Variants in AFG2A observed in about 807,000 individuals in gnomAD.
AFG2A encodes the protein ATPase family gene 2 protein homolog A.
the AFG2A span, among the ~76,000 whole-genome samples, chr4:123,084,414 T>C: frequency 6.6e-6 from 1 of 151,990 alleles, no homozygotes; most frequent in Non-Finnish European, 1.5e-5. Flanking sequence ...TTCTCTAATA[T>C]ATACTCTCAA....
At chr4:122,923,098 A>T in the AFG2A span, 6 of 1,610,748 alleles carry the variant, frequency 3.7e-6, no homozygotes, top group Middle Eastern at 1.7e-4. Flanking sequence ...AAGCGCGCAC[A>T]TTGAGTCGGC....
chr4:122,933,750 T>G, the AFG2A span, among the ~76,000 whole-genome samples: 1 of 152,200 alleles, frequency 6.6e-6, no homozygotes, highest in Admixed American at 6.5e-5. Flanking sequence ...CTTTTAACCT[T>G]TGCATTCTTG....
At chr4:123,256,225 G>A in the AFG2A span, 1 of 1,598,206 alleles carries the variant, frequency 6.3e-7, no homozygotes, top group South Asian at 1.1e-5. Flanking sequence ...GGAAAGCGGT[G>A]GCTCAGGGTC....
chr4:123,195,834 C>T, the AFG2A span, among the ~76,000 whole-genome samples: 1 of 152,162 alleles, frequency 6.6e-6, no homozygotes, highest in African/African-American at 2.4e-5. Flanking sequence ...CCTTCCCAAC[C>T]TGGAAATGCT....
chr4:123,227,664 G>A, the AFG2A span, among the ~76,000 whole-genome samples: 4 of 152,142 alleles, frequency 2.6e-5, no homozygotes, highest in Admixed American at 2.6e-4. Flanking sequence ...GTATGGTGTG[G>A]TGCTGAAAAG....
the AFG2A span, among the ~76,000 whole-genome samples, chr4:122,944,641 A>G: frequency 6.6e-6 from 1 of 152,226 alleles, no homozygotes; most frequent in African/African-American, 2.4e-5. Context: ...CAACTTGTCA[A>G]AGTCATTCTC....
the AFG2A span, among the ~76,000 whole-genome samples, chr4:122,940,976 C>G: frequency 3.3e-5 from 5 of 151,870 alleles, no homozygotes; most frequent in East Asian, 9.6e-4. Context: ...GGGCTCTGTT[C>G]TGTTCCATTG....
chr4:122,982,919 G>A, the AFG2A span, among the ~76,000 whole-genome samples: 6 of 130,938 alleles, frequency 4.6e-5, no homozygotes, highest in African/African-American at 1.7e-4. Context: ...CCAGGCTGGA[G>A]TGCAATGGCA....
chr4:123,304,148 A>T, the AFG2A span, among the ~76,000 whole-genome samples: 1 of 152,042 alleles, frequency 6.6e-6, no homozygotes, highest in African/African-American at 2.4e-5. Context: ...CTTTCTTGGC[A>T]GTTTGGGGCA....
At chr4:123,154,587 A>C in the AFG2A span, among the ~76,000 whole-genome samples, 1 of 152,334 alleles carries the variant, frequency 6.6e-6, no homozygotes, top group Middle Eastern at 3.4e-3. Context: ...AAATAGAAAC[A>C]GTTGAATTTT....
chr4:122,986,551 G>A, the AFG2A span, among the ~76,000 whole-genome samples: 601 of 152,220 alleles, frequency 3.9e-3, 2 homozygotes, highest in African/African-American at 0.013. Flanking sequence ...AAGGTATGAG[G>A]ACACAAAGTC....
chr4:123,044,063 G>A, the AFG2A span, among the ~76,000 whole-genome samples: 1 of 152,170 alleles, frequency 6.6e-6, no homozygotes, highest in Non-Finnish European at 1.5e-5. Context: ...CTGTAGAGCT[G>A]TGTTTCATTT....
At chr4:123,011,591 T>A in the AFG2A span, among the ~76,000 whole-genome samples, 1 of 152,164 alleles carries the variant, frequency 6.6e-6, no homozygotes, top group East Asian at 1.9e-4. Flanking sequence ...ATTATCTAGA[T>A]CTTGTAGGAT....
the AFG2A span, among the ~76,000 whole-genome samples, chr4:123,287,846 C>T: frequency 6.6e-6 from 1 of 152,074 alleles, no homozygotes; most frequent in East Asian, 1.9e-4. Flanking sequence ...CCATGGAAAA[C>T]CTTGCCGAGA....
the AFG2A span, among the ~76,000 whole-genome samples, chr4:123,046,735 TACTC>T: frequency 1.9e-4 from 29 of 152,302 alleles, no homozygotes; most frequent in Admixed American, 1.8e-3. Flanking sequence ...TACTGGTACT[TACTC>T]CTTCTAACTG....
the AFG2A span, among the ~76,000 whole-genome samples, chr4:123,127,292 G>A: frequency 6.6e-6 from 1 of 152,212 alleles, no homozygotes; most frequent in Non-Finnish European, 1.5e-5. Flanking sequence ...CAGGATCTGA[G>A]TAGAAACAGT....
At chr4:122,994,108 C>T in the AFG2A span, among the ~76,000 whole-genome samples, 8 of 151,954 alleles carry the variant, frequency 5.3e-5, no homozygotes, top group East Asian at 1.5e-3. Context: ...TTCTTCTTTA[C>T]CAAAGTACAA....
the AFG2A span, among the ~76,000 whole-genome samples, chr4:122,925,263 C>T: frequency 6.6e-6 from 1 of 152,216 alleles, no homozygotes; most frequent in African/African-American, 2.4e-5. Flanking sequence ...ACCATCATCT[C>T]TCACCTGGAC....
the AFG2A span, among the ~76,000 whole-genome samples, chr4:123,115,911 A>AAT: frequency 3.3e-5 from 5 of 152,068 alleles, no homozygotes; most frequent in East Asian, 5.8e-4. Flanking sequence ...TTTTTAAAAA[A>AAT]TTTTTTGAGA....
Sources: allele counts gnomAD v4.1 joint callset (sites outside exome capture counted in the v4.1 genomes callset), GRCh38; gene constraint gnomAD v4.1.1; transcripts MANE v1.5; gene names NCBI Gene and HGNC (gene_info 2026-07-23, HGNC 2026-07-21).